Variants in GTF2F1 observed in about 807,000 individuals in gnomAD.
GTF2F1 encodes the protein general transcription factor IIF subunit 1.
In GTF2F1, 39 loss-of-function variants were observed where a neutral mutation model predicts 63.5. That is an observed-to-expected ratio of 0.61 (90% CI 0.48 to 0.80). The LOEUF (loss-of-function observed/expected upper bound fraction) is 0.80. Among genes scored for constraint, GTF2F1 ranks in the 30% least tolerant of loss-of-function variants. The pLI is 0.00. For synonymous variants in GTF2F1, 287 were observed against 285.3 expected, an observed-to-expected ratio of 1.01 and a Z score of -0.06; for missense variants, 657 against 718.3, an observed-to-expected ratio of 0.91 and a Z score of 0.97.
chr19:6,387,105 C>A, intron 5 of GTF2F1: 1 of 411,786 alleles, frequency 2.4e-6, no homozygotes, highest in South Asian at 3.0e-5. Context: ...GTGTGACCTG[C>A]AGCCTGCGGA....
At position 6,387,454 on chromosome 19, in the gene GTF2F1, G is replaced by C. The variant is rs780643383; in HGVS notation, c.432C>G (p.Tyr144Ter). Residue 144 changes from tyrosine to a stop codon, truncating the protein, a stop_gained, in exon 5 of 13, where the codon TAC (tyrosine) becomes TAG (stop). Coordinates refer to ENST00000394456, the MANE Select transcript of GTF2F1 (RefSeq NM_002096.3). LOFTEE classifies it high-confidence loss of function. ...GATGCCGGGCCAGCGGTGTGAAATT[G>C]TACCAGTTGTGCACGGGGAAGGCCT... ...AFEAFPVHNWYNFTPLARHRT... is the reference protein window; with the variant it reads ...AFEAFPVHNW 3.1e-6 allele frequency: 5 copies of C among 1,614,252 alleles called. No homozygotes were observed. The highest frequency in any genetic ancestry group is 4.2e-6 in the Non-Finnish European group (5 of 1,180,044).
rs762549332 is a variant in GTF2F1 at position 6,389,622 on chromosome 19, C to A, written c.148G>T (p.Asp50Tyr). Residue 50 changes from aspartate to tyrosine, a missense_variant, in exon 4 of 13, where the codon GAC (aspartate) becomes TAC (tyrosine). Transcript: ENST00000394456. The part of the protein sequence containing the change: ...ATWNQARLER[D>Y]LSNKKIYQEE... Reference sequence around the variant, plus strand: ...TGGTAGATTTTCTTGTTGCTCAAGTCCCGCTCCAGCCGAGCCTAGGGGAGC... The same window carrying A: ...TGGTAGATTTTCTTGTTGCTCAAGTACCGCTCCAGCCGAGCCTAGGGGAGC... 1.9e-6 allele frequency: 3 copies of A among 1,613,598 alleles called. No homozygotes were observed. The highest frequency in any genetic ancestry group is 1.1e-5 in the South Asian group (1 of 91,088).
rs2091948895 is a variant in GTF2F1, at chr19:6,381,307, G to GGGCGCCA, written c.1018+45_1018+51dup. On this transcript the variant is annotated intron_variant, in intron 9 of 12. Coordinates refer to ENST00000394456, the MANE Select transcript of GTF2F1 (RefSeq NM_002096.3). This position sits in a 1 kb window ranked among gnomAD's most constrained non-coding sequence, Gnocchi z 4.1. ...GCAGGGGAGAGGGGAGGAGGTGGCA[G>GGGCGCCA]GGCGCCAGGGCCCGACCCAAGCCTC... The GGGCGCCA allele has an allele frequency of 3.2e-6, 5 of 1,542,208 alleles. No individual in the cohort carries two copies. In the East Asian group the frequency reaches 1.2e-4, roughly 37 times the overall value.
chr19:6,392,772 G>T, intron 2 of GTF2F1, 85 bp downstream of exon 2: 1 of 1,349,632 alleles, frequency 7.4e-7, no homozygotes, highest in Non-Finnish European at 1.1e-6. Context: ...CCACAGACAG[G>T]GCCAGAAATG....
chr19:6,387,936 ATT>A (rs370487214), intron 4 of GTF2F1, among the ~76,000 whole-genome samples: 2 of 145,774 alleles, frequency 1.4e-5, no homozygotes, highest in African/African-American at 5.0e-5. Context: ...GCATGGCCAA[ATT>A]TTTTTTTTTG....
Position 6,387,520 on chromosome 19 carries a change from C to A in GTF2F1, c.366G>T (p.Thr122=). 1 of 1,614,170 alleles carries A rather than the reference C, an allele frequency of 6.2e-7. No homozygotes were observed. The highest frequency in any genetic ancestry group is 8.5e-7 in the Non-Finnish European group (1 of 1,180,002). The change falls in exon 5 of 13, where the codon ACG becomes ACT. Residue 122 remains threonine (T), a synonymous_variant. Coordinates refer to ENST00000394456, the MANE Select transcript of GTF2F1 (RefSeq NM_002096.3). ...GGCACTGGGTGAAGATGTAGTAGGA[C>A]GTGTTCTCTGTTACGCCTCCCTTCT... ...GIKKGGVTEN[T]SYYIFTQCPD... is the part of the protein sequence containing the mutation.
chr19:6,383,210 C>G lies in GTF2F1; in HGVS notation c.682+101G>C. On this transcript the variant is annotated intron_variant, in intron 6 of 12. Transcript: ENST00000394456. This position sits in a 1 kb window ranked among gnomAD's most constrained non-coding sequence, Gnocchi z 4.5. ...AGCCACTGTGCCCGGCCCCACTTGC[C>G]TCTCATTCTAGGGCCACTGTGAGCG... is the stretch of plus-strand genomic sequence containing the variant. The G allele has an allele frequency of 2.3e-6, 3 of 1,286,016 alleles. No individual in the cohort carries two copies. The highest frequency in any genetic ancestry group is 3.3e-6 in the Non-Finnish European group (3 of 911,160). The allele number at this position is 1,286,016 out of a possible 1,614,324, so 79.7% of individuals were successfully genotyped here.
intron 5 of GTF2F1, 143 bp downstream of exon 5, chr19:6,387,246 C>G (rs1282932553): frequency 1.4e-6 from 1 of 724,684 alleles, no homozygotes; most frequent in East Asian, 2.7e-5. Context: ...TCCTCCTGAA[C>G]TGACAGCTCT....
At chr19:6,391,182 C>T (rs2091995542) in intron 3 of GTF2F1, among the ~76,000 whole-genome samples, 1 of 152,278 alleles carries the variant, frequency 6.6e-6, no homozygotes, top group South Asian at 2.1e-4. Context: ...CCATAGCAGC[C>T]AGATCACACA....
At chr19:6,388,196 C>G (rs894576718) in intron 4 of GTF2F1, among the ~76,000 whole-genome samples, 25 of 152,276 alleles carry the variant, frequency 1.6e-4, no homozygotes, top group African/African-American at 5.8e-4. Context: ...TCCCAAAGGG[C>G]TAGGATTACA....
rs2091948692 is a variant in GTF2F1 at position 6,381,275 on chromosome 19, G to A, written c.1019-80C>T. The A allele has an allele frequency of 1.3e-6, 2 of 1,553,312 alleles. No homozygotes were observed. The highest frequency in any genetic ancestry group is 1.7e-6 in the Non-Finnish European group (2 of 1,148,980). The stretch of plus-strand genomic sequence containing the variant: ...ACTGGTGCCTCCACTGCAGATGAGG[G>A]AGGCCTGCAGGGGAGAGGGGAGGAG... On this transcript the variant is annotated intron_variant, in intron 9 of 12. Transcript: ENST00000394456. The surrounding 1 kb of genome is among the most constrained non-coding windows in gnomAD (Gnocchi z 4.1).
In GTF2F1 at chr19:6,380,739, C is replaced by T. The variant is rs1176356944; in HGVS notation, c.1232-49G>A. 1 of 1,588,966 alleles carries T rather than the reference C, an allele frequency of 6.3e-7. No individual in the cohort carries two copies. Among genetic ancestry groups the T allele is most frequent in the Non-Finnish European group, 8.6e-7 (1 of 1,167,854 alleles). On this transcript the variant is annotated intron_variant, in intron 11 of 12. Transcript: ENST00000394456. The surrounding 1 kb of genome is among the most constrained non-coding windows in gnomAD (Gnocchi z 5.3). ...AGTCTTGCAGGCAGGAGGCAGAACCCCTGGGCAGGACCCCAGGCTGGGCAG... is the reference window on the plus strand; with the variant it reads ...AGTCTTGCAGGCAGGAGGCAGAACCTCTGGGCAGGACCCCAGGCTGGGCAG...
chr19:6,389,219 G>C (rs569029892), intron 4 of GTF2F1, among the ~76,000 whole-genome samples: 10 of 152,210 alleles, frequency 6.6e-5, no homozygotes, highest in African/African-American at 2.4e-4. Context: ...CTGGGCGACA[G>C]AGCAAGACTC....
In GTF2F1 at chr19:6,381,482, G is replaced by A; in HGVS notation, c.899-4C>T. On this transcript the variant is annotated splice_polypyrimidine_tract_variant and splice_region_variant and intron_variant, in intron 8 of 12. Coordinates refer to ENST00000394456, the MANE Select transcript of GTF2F1 (RefSeq NM_002096.3). The surrounding 1 kb of genome is among the most constrained non-coding windows in gnomAD (Gnocchi z 4.1). ...CTGTCGCTCTGCTCATCGACACCTG[G>A]GAGGGGCAGGGTATGAGCAAGAGCA... 3.1e-6 allele frequency: 5 copies of A among 1,607,662 alleles called. No individual in the cohort carries two copies. The highest frequency in any genetic ancestry group is 4.2e-6 in the Non-Finnish European group (5 of 1,179,272).
rs1273771476 is a variant in GTF2F1, at chr19:6,381,630, T to C, written c.837-15A>G. The stretch of plus-strand genomic sequence containing the variant: ...CTTGGGAGCTACTGTAAGACGGGGA[T>C]GGCAAAGGATGAGCGCGCGCTCGCG... On this transcript the variant is annotated splice_polypyrimidine_tract_variant and intron_variant, in intron 7 of 12. Transcript: ENST00000394456. This position sits in a 1 kb window ranked among gnomAD's most constrained non-coding sequence, Gnocchi z 4.1. 2 of 1,613,972 alleles carry C rather than the reference T, an allele frequency of 1.2e-6. No individual in the cohort carries two copies. Among genetic ancestry groups the C allele is most frequent in the Non-Finnish European group, 1.7e-6 (2 of 1,180,018 alleles).
At position 6,393,019 on chromosome 19, in the gene GTF2F1, C is replaced by G; in HGVS notation, c.-24G>C. The stretch of plus-strand genomic sequence containing the variant: ...ATGGGCAATGGTCAGTGGTTCCGAT[C>G]TGGTCCGACCCGGGTTCCTTTCGTC... On this transcript the variant is annotated 5_prime_UTR_variant, in exon 1 of 13. Transcript: ENST00000394456. The G allele has an allele frequency of 6.2e-7, 1 of 1,613,520 alleles. No homozygotes were observed.
Position 6,389,417 on chromosome 19 carries a change from C to T in GTF2F1, c.326+27G>A, listed in dbSNP as rs190924025. ...TGGGGATGTGGACTGGTCACTAAGC[C>T]GGCACCGCCACCGCCCCACCACTTA... is the stretch of plus-strand genomic sequence containing the variant. On this transcript the variant is annotated intron_variant, in intron 4 of 12. Coordinates refer to ENST00000394456, the MANE Select transcript of GTF2F1 (RefSeq NM_002096.3). The T allele has an allele frequency of 1.0e-3, 1,641 of 1,605,896 alleles. 10 individuals carry two copies. The highest frequency in any genetic ancestry group is 9.9e-3 in the African/African-American group (742 of 74,906).
In GTF2F1 at chr19:6,381,555, C is replaced by T. The variant is rs1156653827; in HGVS notation, c.897G>A (p.Lys299=). The stretch of plus-strand genomic sequence containing the variant: ...CCGGCCCGCCCAGCCATCGCCTACC[C>T]TTGGGCCCCTCCTCCTGCTGCGGCG... The part of the protein sequence containing the change: ...AKAPQQEEGP[K]GVDEQSDSSE... The change falls in exon 8 of 13, where the codon AAG becomes AAA. Residue 299 remains lysine (K), a splice_region_variant and synonymous_variant. Transcript: ENST00000394456. The surrounding 1 kb of genome is among the most constrained non-coding windows in gnomAD (Gnocchi z 4.1). 2 of 1,613,160 alleles carry T rather than the reference C, an allele frequency of 1.2e-6. No individual in the cohort carries two copies. The highest frequency in any genetic ancestry group is 1.7e-6 in the Non-Finnish European group (2 of 1,180,026).
At position 6,380,441 on chromosome 19, in the gene GTF2F1, C is replaced by T. The variant is rs2091942075; in HGVS notation, c.1394G>A (p.Arg465Gln). 1.2e-6 allele frequency: 2 copies of T among 1,614,066 alleles called. No homozygotes were observed. Among genetic ancestry groups the T allele is most frequent in the South Asian group, 2.2e-5 (2 of 91,068 alleles). Reference sequence around the variant, plus strand: ...CAGGTCCTTAGTGGTCATGGGCTTCCGTGTCAGGTAGCGGCGCACGGCATC... The same window carrying T: ...CAGGTCCTTAGTGGTCATGGGCTTCTGTGTCAGGTAGCGGCGCACGGCATC... ...TEDAVRRYLT[R>Q]KPMTTKDLLK... Residue 465 changes from arginine to glutamine, a missense_variant, in exon 13 of 13, where the codon CGG (arginine) becomes CAG (glutamine). Transcript: ENST00000394456. The surrounding 1 kb of genome is among the most constrained non-coding windows in gnomAD (Gnocchi z 5.3).
Sources: allele counts gnomAD v4.1 joint callset (sites outside exome capture counted in the v4.1 genomes callset), GRCh38; gene constraint gnomAD v4.1.1; non-coding constraint Gnocchi (gnomAD v3.1); transcripts MANE v1.5; gene names NCBI Gene and HGNC (gene_info 2026-07-23, HGNC 2026-07-21).